LPL: variants seen among roughly 807,000 people sequenced by gnomAD.
The protein encoded by LPL is phospholipase A1.
A neutral mutation model predicts 52.2 loss-of-function variants in LPL; 43 were observed. The ratio of observed to expected loss-of-function variants is 0.82; its 90% CI spans 0.64 to 1.06. LPL has a LOEUF of 1.06. Among genes scored for constraint, LPL ranks in the 50% least tolerant of loss-of-function variants. The pLI, the probability that LPL is intolerant of heterozygous loss-of-function variation, is 0.00. For synonymous variants in LPL, 244 were observed against 215.6 expected (o/e 1.13, Z -1.15); for missense variants, 639 against 585.3 (o/e 1.09, Z -0.95).
At chr8:19,954,621 C>A (rs2069968014) in intron 5 of LPL, among the ~76,000 whole-genome samples, 2 of 152,170 alleles carry the variant, frequency 1.3e-5, no homozygotes, top group Admixed American at 1.3e-4. Context: ...AGGAAGACTC[C>A]ACTGACCTCA....
Position 19,951,982 on chromosome 8 carries a change from A to G in LPL, c.429+34A>G. On this transcript the variant is annotated intron_variant, in intron 3 of 9. Coordinates refer to ENST00000650287, the MANE Select transcript of LPL (RefSeq NM_000237.3). ...GGGAGAAGGAGACTTATGTGTCCAA[A>G]ACAGTGTTTTTGACTGGAGCCAGAA... is the stretch of plus-strand genomic sequence containing the variant. The G allele has an allele frequency of 2.5e-6, 4 of 1,613,198 alleles. No homozygotes were observed. In the South Asian group the frequency reaches 4.4e-5, roughly 18 times the overall value.
chr8:19,961,567 T>C (rs2070039653), intron 8 of LPL, among the ~76,000 whole-genome samples: 1 of 152,178 alleles, frequency 6.6e-6, no homozygotes, highest in Non-Finnish European at 1.5e-5. Context: ...ATTTAAAGCT[T>C]TTATACTAAA....
At chr8:19,948,411 G>C in intron 2 of LPL, 71 bp downstream of exon 2, 4 of 1,557,460 alleles carry the variant, frequency 2.6e-6, no homozygotes, top group Non-Finnish European at 3.5e-6. Context: ...CCAATTGTTG[G>C]GGACCCAGTG....
At position 19,966,297 on chromosome 8, in the gene LPL, T is replaced by A. The variant is rs1433624187; in HGVS notation, c.*987T>A. 6.6e-6 allele frequency: 1 copy of A among 152,160 alleles called. No homozygotes were observed. The highest frequency in any genetic ancestry group is 1.5e-5 in the Non-Finnish European group (1 of 68,028). 9.4% of individuals were successfully genotyped at this position (152,160 alleles called of 1,614,324 possible). A position where few individuals can be genotyped will look rare whatever the true frequency, so the allele number is the denominator to read the frequency against. On this transcript the variant is annotated 3_prime_UTR_variant, in exon 10 of 10. Coordinates refer to ENST00000650287, the MANE Select transcript of LPL (RefSeq NM_000237.3). ...CTGGCTTTGACATGAAAAGATAGGT[T>A]TGAGTTCAAATTTTGCATTGTGTGA...
intron 9 of LPL, among the ~76,000 whole-genome samples, chr8:19,964,849 T>C (rs985097213): frequency 3.3e-5 from 5 of 152,166 alleles, no homozygotes; most frequent in African/African-American, 1.2e-4. Context: ...TTTAAAAACG[T>C]ACCTGAACTT....
At chr8:19,953,466 C>T (rs2069952585) in intron 4 of LPL, 45 bp downstream of exon 4, 1 of 1,411,306 alleles carries the variant, frequency 7.1e-7, no homozygotes, top group Non-Finnish European at 1.0e-6. Context: ...GGTGAAAAGA[C>T]TGTCATTCTG....
intron 9 of LPL, among the ~76,000 whole-genome samples, chr8:19,962,819 G>T (rs947890156): frequency 3.3e-5 from 5 of 152,210 alleles, no homozygotes; most frequent in Non-Finnish European, 5.9e-5. Context: ...ACAACTCTGT[G>T]CCTCTTTCCT....
intron 2 of LPL, among the ~76,000 whole-genome samples, chr8:19,949,727 C>A (rs911671072): frequency 1.3e-5 from 2 of 151,494 alleles, no homozygotes; most frequent in Non-Finnish European, 2.9e-5. Context: ...AAGTGATCTA[C>A]CCACCTTGGC....
At chr8:19,948,433 C>T in intron 2 of LPL, 93 bp downstream of exon 2, 1 of 1,377,450 alleles carries the variant, frequency 7.3e-7, no homozygotes, top group Non-Finnish European at 1.0e-6. Context: ...TGGGTCCGCA[C>T]CCCACATCTC....
intron 2 of LPL, 97 bp from the exon 3 acceptor site, chr8:19,951,672 A>G: frequency 7.6e-7 from 1 of 1,318,856 alleles, no homozygotes; most frequent in Non-Finnish European, 1.1e-6. Context: ...TTTCCAATCA[A>G]GTTTGTTTTT....
At position 19,948,227 on chromosome 8, in the gene LPL, C is replaced by G; in HGVS notation, c.136C>G (p.Pro46Ala). Residue 46 changes from proline to alanine, a missense_variant, in exon 2 of 10, where the codon CCT (proline) becomes GCT (alanine). Transcript: ENST00000650287. ...DIESKFALRT[P>A]EDTAEDTCHL... ...CGAAAGTAAATTTGCCCTAAGGACC[C>G]CTGAAGACACAGCTGAGGACACTTG... 1 of 1,614,094 alleles carries G rather than the reference C, an allele frequency of 6.2e-7. No homozygotes were observed. Among genetic ancestry groups the G allele is most frequent in the South Asian group, 1.1e-5 (1 of 91,070 alleles).
At chr8:19,962,998 G>C (rs1397214983) in intron 9 of LPL, among the ~76,000 whole-genome samples, 1 of 152,182 alleles carries the variant, frequency 6.6e-6, no homozygotes, top group Non-Finnish European at 1.5e-5. Context: ...AGTGCTAATG[G>C]GTTACAGGAA....
chr8:19,941,933 G>A (rs746710700), intron 1 of LPL, among the ~76,000 whole-genome samples: 2 of 152,210 alleles, frequency 1.3e-5, no homozygotes. Flanking sequence ...TGAAGAGCTA[G>A]GAGAGGGAGA....
chr8:19,953,228 A>G (rs1259646102), intron 3 of LPL, 82 bp from the exon 4 acceptor site: 1 of 838,490 alleles, frequency 1.2e-6, no homozygotes. Context: ...TATTTGGAAA[A>G]CAATATTTAT....
chr8:19,964,728 C>T (rs1476010617), intron 9 of LPL, among the ~76,000 whole-genome samples: 1 of 151,986 alleles, frequency 6.6e-6, no homozygotes, highest in Non-Finnish European at 1.5e-5. Context: ...GGAGTTTCAC[C>T]ATATTGGCCA....
chr8:19,947,225 C>T (rs2069889061), intron 1 of LPL, among the ~76,000 whole-genome samples: 1 of 152,124 alleles, frequency 6.6e-6, no homozygotes, highest in South Asian at 2.1e-4. Flanking sequence ...AAAATAGAGG[C>T]CCGGCCCGAT....
intron 1 of LPL, among the ~76,000 whole-genome samples, chr8:19,942,867 G>A (rs961647152): frequency 2.0e-5 from 3 of 152,206 alleles, no homozygotes; most frequent in Non-Finnish European, 4.4e-5. Context: ...TATCTTAGGT[G>A]CTATATATAT....
chr8:19,951,594 C>T, intron 2 of LPL, 175 bp from the exon 3 acceptor site: 1 of 766,020 alleles, frequency 1.3e-6, no homozygotes, highest in Non-Finnish European at 2.3e-6. Flanking sequence ...CTTAGATCTG[C>T]CTTGGAAGGG....
intron 1 of LPL, among the ~76,000 whole-genome samples, chr8:19,946,166 C>T (rs1024841686): frequency 3.9e-5 from 6 of 151,950 alleles, no homozygotes; most frequent in Non-Finnish European, 7.4e-5. Context: ...AATGGATTCA[C>T]GTGTACTTTT....
Sources: allele counts gnomAD v4.1 joint callset (sites outside exome capture counted in the v4.1 genomes callset), GRCh38; gene constraint gnomAD v4.1.1; transcripts MANE v1.5; gene names NCBI Gene and HGNC (gene_info 2026-07-23, HGNC 2026-07-21).